Variants in CROT observed in about 807,000 individuals in gnomAD.
The protein encoded by CROT is peroxisomal carnitine O-octanoyltransferase.
Under a neutral mutation model 89.2 loss-of-function variants are expected in CROT, and 84 were observed. That is an observed-to-expected ratio of 0.94 (90% CI 0.79 to 1.13). CROT has a LOEUF of 1.13. Ranked by LOEUF, CROT falls within the 50% of genes most tolerant of loss-of-function variation. CROT has a pLI of 0.00. For synonymous variants in CROT, 212 were observed against 239.5 expected, an observed-to-expected ratio of 0.89 and a Z score of 1.06; for missense variants, 711 against 727.8, an observed-to-expected ratio of 0.98 and a Z score of 0.27.
Position 87,382,532 on chromosome 7 carries a change from A to T in CROT, c.1290A>T (p.Arg430Ser). 6.2e-7 allele frequency: 1 copy of T among 1,613,564 alleles called. No individual in the cohort carries two copies. The highest frequency in any genetic ancestry group is 8.5e-7 in the Non-Finnish European group (1 of 1,179,756). ...IQLALQLAYY[R>S]LHGHPGCCYE... Reference sequence around the variant, plus strand: ...TTGCACTTCAGCTGGCCTATTACAGACTTCATGGACAGTAAGGACCATTCA... The same window carrying T: ...TTGCACTTCAGCTGGCCTATTACAGTCTTCATGGACAGTAAGGACCATTCA... Residue 430 changes from arginine to serine, a missense_variant, in exon 13 of 18, where the codon AGA becomes AGT. Physicochemically the swap from Arg to Ser is moderately radical, Grantham distance 110 (BLOSUM62 -1). Coordinates refer to ENST00000331536, the MANE Select transcript of CROT (RefSeq NM_021151.4).
At chr7:87,359,368 A>C in intron 4 of CROT, 38 bp downstream of exon 4, 2 of 1,545,890 alleles carry the variant, frequency 1.3e-6, no homozygotes, top group Non-Finnish European at 1.7e-6. Flanking sequence ...TGATGTTTAA[A>C]GAATGATAAA....
In CROT at chr7:87,348,435, A is replaced by G. The variant is rs138559705; in HGVS notation, c.-21-613A>G. 2.8e-4 allele frequency among the ~76,000 whole-genome samples: 43 copies of G among 152,326 alleles called. No individual in the cohort carries two copies. In the East Asian group the frequency reaches 6.9e-3, roughly 25 times the overall value. On this transcript the variant is annotated intron_variant, in intron 2 of 17. Transcript: ENST00000331536. ...TCATATGATTTATGTATTCTATAAT[A>G]ATCTTTAATTCTACAGTTGGACACT... is the stretch of plus-strand genomic sequence containing the variant.
chr7:87,391,733 A>C (rs1807367967), intron 14 of CROT, 21 bp downstream of exon 14: 4 of 1,596,186 alleles, frequency 2.5e-6, no homozygotes, highest in Non-Finnish European at 3.4e-6. Context: ...GAAAGGAAAA[A>C]AACTCACAAG....
At chr7:87,366,364 A>G (rs957402165) in intron 6 of CROT, among the ~76,000 whole-genome samples, 1 of 152,058 alleles carries the variant, frequency 6.6e-6, no homozygotes, top group East Asian at 1.9e-4. Context: ...TGGGGAAAAA[A>G]AAATGCCTTC....
intron 9 of CROT, 33 bp from the exon 10 acceptor site, chr7:87,377,316 C>T: frequency 7.5e-7 from 1 of 1,336,890 alleles, no homozygotes; most frequent in Non-Finnish European, 1.1e-6. Flanking sequence ...AATATTAAAC[C>T]CTTTTAATTT....
intron 6 of CROT, among the ~76,000 whole-genome samples, chr7:87,366,040 C>A (rs1329844253): frequency 6.6e-6 from 1 of 152,178 alleles, no homozygotes; most frequent in Non-Finnish European, 1.5e-5. Flanking sequence ...GCTGGATTCA[C>A]GGATTTGTGC....
rs142094768 is a variant in CROT at position 87,384,376 on chromosome 7, A to G, written c.1301+1833A>G. Among the ~76,000 whole-genome samples the G allele has an allele frequency of 8.7e-4, 133 of 152,282 alleles. 3 individuals are homozygous for G. The South Asian group carries it at 0.018, about 20-fold the overall frequency. ...GCGAAACCCTGTCTCTACTAAAAAT[A>G]CAAAAATTAGCCTGATGTAGGGGCA... On this transcript the variant is annotated intron_variant, in intron 13 of 17. Coordinates refer to ENST00000331536, the MANE Select transcript of CROT (RefSeq NM_021151.4).
Position 87,351,339 on chromosome 7 carries a change from G to A in CROT, c.115+2156G>A, listed in dbSNP as rs75037995. Among the ~76,000 whole-genome samples the A allele has an allele frequency of 6.1e-3, 905 of 148,654 alleles. 9 individuals are homozygous for A. The highest frequency in any genetic ancestry group is 0.021 in the African/African-American group (857 of 40,254). ...AAAAAAAAAAAAAAAAAAAGAAAAG[G>A]AAAGGAAAGCATTTATCTCTTATAA... On this transcript the variant is annotated intron_variant, in intron 3 of 17. Transcript: ENST00000331536.
At chr7:87,378,540 TTTG>T (rs1372357305) in intron 10 of CROT, among the ~76,000 whole-genome samples, 2 of 152,212 alleles carry the variant, frequency 1.3e-5, no homozygotes, top group Non-Finnish European at 2.9e-5. Context: ...ACTGCTTTCT[TTTG>T]TTTGGCCTCA....
At chr7:87,393,369 T>C (rs1189417536) in intron 17 of CROT, among the ~76,000 whole-genome samples, 1 of 152,196 alleles carries the variant, frequency 6.6e-6, no homozygotes, top group East Asian at 1.9e-4. Context: ...TTGTACAAGG[T>C]ATTTTATAAT....
At chr7:87,365,367 G>A (rs1397067730) in intron 6 of CROT, among the ~76,000 whole-genome samples, 3 of 152,038 alleles carry the variant, frequency 2.0e-5, no homozygotes, top group Non-Finnish European at 4.4e-5. Context: ...GCTCGCGCCT[G>A]TAATCCCAGC....
intron 17 of CROT, among the ~76,000 whole-genome samples, chr7:87,396,898 T>C (rs1477302603): frequency 6.6e-6 from 1 of 152,182 alleles, no homozygotes; most frequent in Non-Finnish European, 1.5e-5. Flanking sequence ...TTAAGTATGC[T>C]TTGAGATATT....
chr7:87,357,391 G>C, intron 3 of CROT: 1 of 1,392,122 alleles, frequency 7.2e-7, no homozygotes. Flanking sequence ...CATTGGGCTA[G>C]AAATATTATC....
At chr7:87,395,365 C>T (rs896199646) in intron 17 of CROT, among the ~76,000 whole-genome samples, 1 of 152,180 alleles carries the variant, frequency 6.6e-6, no homozygotes, top group Non-Finnish European at 1.5e-5. Context: ...AGCCCACTGA[C>T]TCAAATGTTA....
chr7:87,374,553 T>C (rs1289869560), intron 7 of CROT, among the ~76,000 whole-genome samples: 2 of 152,018 alleles, frequency 1.3e-5, no homozygotes. Context: ...GCTTTACTTA[T>C]AATTGGAGCA....
chr7:87,394,758 AGTT>A (rs1807472194), intron 17 of CROT, among the ~76,000 whole-genome samples: 1 of 152,152 alleles, frequency 6.6e-6, no homozygotes, highest in African/African-American at 2.4e-5. Context: ...GAAAAAGCGA[AGTT>A]ATTATATGAC....
chr7:87,361,853 G>A lies in CROT; in HGVS notation c.547+1G>A. ...TCCATTATGAATTATTTTAGGACTG[G>A]TAAGTAAAAATGCAGATATCGTTTT... On this transcript the variant is annotated splice_donor_variant, in intron 6 of 17. Transcript: ENST00000331536. LOFTEE classifies it high-confidence loss of function. 6.4e-7 allele frequency: 1 copy of A among 1,574,182 alleles called. No homozygotes were observed. Among genetic ancestry groups the A allele is most frequent in the Non-Finnish European group, 8.6e-7 (1 of 1,165,184 alleles).
Position 87,361,557 on chromosome 7 carries a change from G to A in CROT, c.408G>A (p.Trp136Ter). The A allele has an allele frequency of 6.3e-7, 1 of 1,593,266 alleles. No homozygotes were observed. The highest frequency in any genetic ancestry group is 2.2e-5 in the East Asian group (1 of 44,606). Residue 136 changes from tryptophan (W) to a stop codon, truncating the protein, a stop_gained, in exon 5 of 18, where the codon TGG becomes TGA. Transcript: ENST00000331536. LOFTEE classifies it high-confidence loss of function. Reference protein sequence around the residue: ...SITLWHNLNYWQLLRKEKVPV... With the variant: ...SITLWHNLNY The stretch of plus-strand genomic sequence containing the variant: ...CTCTTTGGCATAACTTGAACTACTG[G>A]CAGCTATTAAGAAAGTAAGGACACA...
chr7:87,363,996 G>C (rs1806361727), intron 6 of CROT, among the ~76,000 whole-genome samples: 1 of 152,188 alleles, frequency 6.6e-6, no homozygotes, highest in African/African-American at 2.4e-5. Context: ...CAGCTAACAG[G>C]GTAGGTGGGT....
Sources: gnomAD v4.1 joint callset for allele counts (sites outside exome capture counted in the v4.1 genomes callset) on GRCh38, gnomAD v4.1.1 for gene constraint, MANE v1.5 for transcripts, NCBI Gene and HGNC (gene_info 2026-07-23, HGNC 2026-07-21) for gene names.